Variants in IRS1 observed in about 807,000 individuals in gnomAD.
The protein encoded by IRS1 is insulin receptor substrate 1.
In IRS1, 34 loss-of-function variants were observed where a neutral mutation model predicts 65.6. That is an observed-to-expected ratio of 0.52 (90% CI 0.39 to 0.69). The LOEUF (loss-of-function observed/expected upper bound fraction) is 0.69, where lower values mean the gene tolerates loss of function less well. Among genes scored for constraint, IRS1 ranks in the 30% least tolerant of loss-of-function variants. The pLI is 0.00. For synonymous variants in IRS1, 699 were observed against 683.5 expected, an observed-to-expected ratio of 1.02 and a Z score of -0.35; for missense variants, 1,641 against 1,720.2, an observed-to-expected ratio of 0.95 and a Z score of 0.81.
At chr2:226,778,864 T>A (rs1939327554) in intron 1 of IRS1, among the ~76,000 whole-genome samples, 1 of 152,222 alleles carries the variant, frequency 6.6e-6, no homozygotes, top group African/African-American at 2.4e-5. Context: ...CACATATACA[T>A]CAACTTCAAC....
Position 226,794,464 on chromosome 2 carries a change from C to T in IRS1, c.*21+525G>A, listed in dbSNP as rs1188967154. ...AGGATGAATAGAAATCAATGCTTCC[C>T]GCTGCTGTTTATGTTGCCCTAGTAT... On this transcript the variant is annotated intron_variant, in intron 1 of 1. Transcript: ENST00000305123. This position sits in a 1 kb window ranked among gnomAD's most constrained non-coding sequence, Gnocchi z 4.1. 1.3e-5 allele frequency among the ~76,000 whole-genome samples: 2 copies of T among 152,162 alleles called. No homozygotes were observed. The highest frequency in any genetic ancestry group is 2.9e-5 in the Non-Finnish European group (2 of 68,024).
At chr2:226,756,970 T>C (rs1472297893) in intron 1 of IRS1, among the ~76,000 whole-genome samples, 5 of 147,038 alleles carry the variant, frequency 3.4e-5, no homozygotes, top group African/African-American at 1.0e-4. Flanking sequence ...AATAAATAAA[T>C]AAATAAATAA....
chr2:226,770,926 G>A (rs2106171669), intron 1 of IRS1, among the ~76,000 whole-genome samples: 1 of 152,258 alleles, frequency 6.6e-6, no homozygotes, highest in East Asian at 1.9e-4. Context: ...TTGGAAGGCT[G>A]AGGTGGGAGG....
At position 226,798,777 on chromosome 2, in the gene IRS1, T is replaced by C. The variant is rs1405007755; in HGVS notation, c.-39A>G. On this transcript the variant is annotated 5_prime_UTR_variant, in exon 1 of 2. Coordinates refer to ENST00000305123, the MANE Select transcript of IRS1 (RefSeq NM_005544.3). This position sits in a 1 kb window ranked among gnomAD's most constrained non-coding sequence, Gnocchi z 9.4. ...CCACCAACGCTGAGCAGAGGGAGGCTCCGAAAAACAACCGGGTGGGGGGCG... is the reference window on the plus strand; with the variant it reads ...CCACCAACGCTGAGCAGAGGGAGGCCCCGAAAAACAACCGGGTGGGGGGCG... 6.3e-7 allele frequency: 1 copy of C among 1,590,082 alleles called. No homozygotes were observed.
intron 1 of IRS1, among the ~76,000 whole-genome samples, chr2:226,756,758 T>C (rs991925585): frequency 6.6e-6 from 1 of 152,028 alleles, no homozygotes; most frequent in African/African-American, 2.4e-5. Flanking sequence ...GGTCAAGATA[T>C]AGAGACCATC....
Position 226,732,505 on chromosome 2 carries a change from T to C in IRS1, c.*3767A>G, listed in dbSNP as rs539213565. ...ATATATATATATACACACACACACATATGTGTATCTATATATGTGTGTATA... is the reference window on the plus strand; with the variant it reads ...ATATATATATATACACACACACACACATGTGTATCTATATATGTGTGTATA... On this transcript the variant is annotated 3_prime_UTR_variant, in exon 2 of 2. Transcript: ENST00000305123. The C allele has an allele frequency of 4.0e-4, 58 of 145,868 alleles. No homozygotes were observed. Among genetic ancestry groups the C allele is most frequent in the Middle Eastern group, 3.6e-3 (1 of 276 alleles). 9.0% of individuals were successfully genotyped at this position (145,868 alleles called of 1,614,324 possible). A position where few individuals can be genotyped will look rare whatever the true frequency, so the allele number is the denominator to read the frequency against.
chr2:226,794,608 T>G lies in IRS1; in HGVS notation c.*21+381A>C, dbSNP rs1939671199. 6.6e-6 allele frequency among the ~76,000 whole-genome samples: 1 copy of G among 152,216 alleles called. No individual in the cohort carries two copies. The highest frequency in any genetic ancestry group is 2.4e-5 in the African/African-American group (1 of 41,456). On this transcript the variant is annotated intron_variant, in intron 1 of 1. Coordinates refer to ENST00000305123, the MANE Select transcript of IRS1 (RefSeq NM_005544.3). The surrounding 1 kb of genome is among the most constrained non-coding windows in gnomAD (Gnocchi z 4.1). Reference sequence around the variant, plus strand: ...GGTTTAGCCCCTGTGTTAACAAATATTTTTTGTAGAACTGTCCCTTCCAGG... The same window carrying G: ...GGTTTAGCCCCTGTGTTAACAAATAGTTTTTGTAGAACTGTCCCTTCCAGG...
At chr2:226,759,520 C>T (rs1429231183) in intron 1 of IRS1, among the ~76,000 whole-genome samples, 1 of 152,226 alleles carries the variant, frequency 6.6e-6, no homozygotes, top group Non-Finnish European at 1.5e-5. Flanking sequence ...AATTCTGTAG[C>T]ACTTCCTATC....
chr2:226,746,391 A>G (rs1329707852), intron 1 of IRS1, among the ~76,000 whole-genome samples: 1 of 152,130 alleles, frequency 6.6e-6, no homozygotes, highest in African/African-American at 2.4e-5. Context: ...TAGCCAGTCA[A>G]TGCTGCTTGA....
chr2:226,757,306 G>A (rs1303116008), intron 1 of IRS1, among the ~76,000 whole-genome samples: 1 of 152,156 alleles, frequency 6.6e-6, no homozygotes, highest in South Asian at 2.1e-4. Context: ...TACAGAACAT[G>A]AGCTCCATGA....
chr2:226,785,619 TAAAC>T (rs1311300881), intron 1 of IRS1, among the ~76,000 whole-genome samples: 1 of 152,116 alleles, frequency 6.6e-6, no homozygotes, highest in African/African-American at 2.4e-5. Flanking sequence ...CAAACAAAAA[TAAAC>T]AAATAAATAA....
intron 1 of IRS1, among the ~76,000 whole-genome samples, chr2:226,755,936 T>A (rs546556498): frequency 6.6e-6 from 1 of 152,332 alleles, no homozygotes; most frequent in South Asian, 2.1e-4. Context: ...GAGCCACATG[T>A]TTAAAATTCT....
rs141882284 is a variant in IRS1, at chr2:226,797,471, C to A, written c.1268G>T (p.Gly423Val). Reference sequence around the variant, plus strand: ...ATACTCATCCGAGGAGATGAAACCGCCATCGCTGGGGGAACCAGACACCGA... The same window carrying A: ...ATACTCATCCGAGGAGATGAAACCGACATCGCTGGGGGAACCAGACACCGA... Reference protein sequence around the residue: ...SASVSGSPSDGGFISSDEYGS... With the variant: ...SASVSGSPSDVGFISSDEYGS... Residue 423 changes from glycine (G) to valine (V), a missense_variant, in exon 1 of 2, where the codon GGC becomes GTC. Transcript: ENST00000305123. This position sits in a 1 kb window ranked among gnomAD's most constrained non-coding sequence, Gnocchi z 8.1. 40 of 1,613,572 alleles carry A rather than the reference C, an allele frequency of 2.5e-5. No homozygotes were observed. The highest frequency in any genetic ancestry group is 3.2e-5 in the Non-Finnish European group (38 of 1,179,998).
chr2:226,775,349 T>C (rs1939250710), intron 1 of IRS1, among the ~76,000 whole-genome samples: 1 of 152,172 alleles, frequency 6.6e-6, no homozygotes, highest in Non-Finnish European at 1.5e-5. Context: ...TGTATATGTA[T>C]GCAGTGAAAT....
intron 1 of IRS1, among the ~76,000 whole-genome samples, chr2:226,787,914 A>G (rs1461546973): frequency 6.6e-6 from 1 of 151,844 alleles, no homozygotes; most frequent in Non-Finnish European, 1.5e-5. Flanking sequence ...ATGTTTATAA[A>G]TGTCTTTTAT....
chr2:226,761,958 A>C (rs1476227537), intron 1 of IRS1, among the ~76,000 whole-genome samples: 2 of 152,218 alleles, frequency 1.3e-5, no homozygotes, highest in African/African-American at 4.8e-5. Flanking sequence ...ATTGGATTGC[A>C]TGGGTGCCCT....
chr2:226,798,565 G>C lies in IRS1; in HGVS notation c.174C>G (p.Ser58Arg). 1.9e-6 allele frequency: 3 copies of C among 1,613,894 alleles called. No homozygotes were observed. The highest frequency in any genetic ancestry group is 1.7e-6 in the Non-Finnish European group (2 of 1,180,020). Residue 58 changes from serine to arginine, a missense_variant, in exon 1 of 2, where the codon AGC (serine) becomes AGG (arginine). Ser to Arg is a moderately radical substitution (Grantham distance 110). This residue lies in a region of IRS1 where 240 missense variants were observed against 229.6 expected (regional missense o/e 1.05). Coordinates refer to ENST00000305123, the MANE Select transcript of IRS1 (RefSeq NM_005544.3). The surrounding 1 kb of genome is among the most constrained non-coding windows in gnomAD (Gnocchi z 9.4). The part of the protein sequence containing the change: ...ENEKKWRHKS[S>R]APKRSIPLES... ...CAAGGGGGATCGAGCGTTTGGGGGC[G>C]CTCGACTTGTGCCGCCACTTCTTCT... is the stretch of plus-strand genomic sequence containing the variant.
At chr2:226,756,252 C>T (rs1181823260) in intron 1 of IRS1, among the ~76,000 whole-genome samples, 1 of 152,196 alleles carries the variant, frequency 6.6e-6, no homozygotes, top group African/African-American at 2.4e-5. Context: ...ACTCATCTGA[C>T]TGAAAGTTCT....
In IRS1 at chr2:226,796,079, G is replaced by C. The variant is rs1574664761; in HGVS notation, c.2660C>G (p.Pro887Arg). 3.1e-6 allele frequency: 5 copies of C among 1,613,938 alleles called. No individual in the cohort carries two copies. The highest frequency in any genetic ancestry group is 4.2e-6 in the Non-Finnish European group (5 of 1,180,048). Residue 887 changes from proline (P) to arginine (R), a missense_variant, in exon 1 of 2, where the codon CCT (proline) becomes CGT (arginine). Transcript: ENST00000305123. ...TTCCCCCGGGCTCTTGGGCTCTGGA[G>C]GGTGCAGCAAGGGCTGCTGCTGCTG... The part of the protein sequence containing the change: ...QQQQQQPLLH[P>R]PEPKSPGEYV...
Sources: gnomAD v4.1 joint callset for allele counts (sites outside exome capture counted in the v4.1 genomes callset) on GRCh38, gnomAD v4.1.1 for gene constraint, gnomAD v4.1.1 regional missense constraint, Gnocchi (gnomAD v3.1) non-coding constraint, MANE v1.5 for transcripts, NCBI Gene and HGNC (gene_info 2026-07-23, HGNC 2026-07-21) for gene names.